The following ARID1B variants were observed in gnomAD, a reference collection of about 807,000 sequenced individuals.
The protein encoded by ARID1B is AT-rich interactive domain-containing protein 1B.
In ARID1B, 30 loss-of-function variants were observed where a neutral mutation model predicts 212.3. That is an observed-to-expected ratio of 0.14 (90% CI 0.11 to 0.19). The LOEUF is 0.19. ARID1B is among the 10% of genes least tolerant of loss of function. The pLI is 1.00. For missense variants in ARID1B, 2,891 were observed against 3,204.0 expected, an observed-to-expected ratio of 0.90 and a Z score of 2.36; for synonymous variants, 1,402 against 1,301.7, an observed-to-expected ratio of 1.08 and a Z score of -1.66.
At chr6:156,796,928 T>G (rs752890827) in intron 1 of ARID1B, among the ~76,000 whole-genome samples, 4 of 147,536 alleles carry the variant, frequency 2.7e-5, no homozygotes, top group Non-Finnish European at 5.9e-5. Context: ...TTGAGGTCTT[T>G]GAGAGCCTCA....
chr6:157,133,217 A>G lies in ARID1B; in HGVS notation c.2761+10A>G. 6.4e-7 allele frequency: 1 copy of G among 1,574,358 alleles called. No individual in the cohort carries two copies. The highest frequency in any genetic ancestry group is 8.6e-7 in the Non-Finnish European group (1 of 1,164,576). ...CAGTATGGACCACAAGGTAAAACCAAAGCTTCTCCAAAATGCATGGCAGCA... is the reference window on the plus strand; with the variant it reads ...CAGTATGGACCACAAGGTAAAACCAGAGCTTCTCCAAAATGCATGGCAGCA... On this transcript the variant is annotated intron_variant, in intron 7 of 19. Coordinates refer to ENST00000636930, the MANE Select transcript of ARID1B (RefSeq NM_001374828.1).
intron 4 of ARID1B, among the ~76,000 whole-genome samples, chr6:156,963,540 C>A (rs1273786337): frequency 6.6e-6 from 1 of 152,120 alleles, no homozygotes; most frequent in Admixed American, 6.5e-5. Context: ...ATTAAAGAAT[C>A]TAAATAGACT....
At position 157,106,397 on chromosome 6, in the gene ARID1B, A is replaced by G. The variant is rs144366394; in HGVS notation, c.2492-4075A>G. The stretch of plus-strand genomic sequence containing the variant: ...CATCTGGAGGCTCGACTAGGGAACA[A>G]TCTACTTCCAGTTTCATTCGGATTG... On this transcript the variant is annotated intron_variant, in intron 5 of 19. Transcript: ENST00000636930. Among the ~76,000 whole-genome samples, 266 of 152,332 alleles carry G rather than the reference A, an allele frequency of 1.7e-3. 1 individual carries two copies. Among genetic ancestry groups the G allele is most frequent in the African/African-American group, 6.2e-3 (257 of 41,580 alleles).
chr6:157,060,936 GGT>G (rs950309239), intron 4 of ARID1B, among the ~76,000 whole-genome samples: 1 of 151,896 alleles, frequency 6.6e-6, no homozygotes, highest in African/African-American at 2.4e-5. Context: ...TGGAGCTGCT[GGT>G]GTTTTTTATT....
chr6:156,795,325 AAG>A (rs1343198990), intron 1 of ARID1B, among the ~76,000 whole-genome samples: 1 of 152,106 alleles, frequency 6.6e-6, no homozygotes, highest in Non-Finnish European at 1.5e-5. Flanking sequence ...AGGAAGTGGG[AAG>A]AGAGAATAAG....
chr6:157,196,485 C>A (rs1793737478), intron 16 of ARID1B, among the ~76,000 whole-genome samples, 170 bp downstream of exon 16: 1 of 152,214 alleles, frequency 6.6e-6, no homozygotes, highest in South Asian at 2.1e-4. Flanking sequence ...TGTCAGGTGG[C>A]TGCCCTCAGT....
chr6:156,895,720 GT>G (rs1204624600), intron 2 of ARID1B, among the ~76,000 whole-genome samples: 1 of 149,822 alleles, frequency 6.7e-6, no homozygotes, highest in African/African-American at 2.5e-5. Flanking sequence ...TACAGATACA[GT>G]ATATACAGGT....
At chr6:157,062,854 C>G (rs1238562270) in intron 4 of ARID1B, among the ~76,000 whole-genome samples, 1 of 151,708 alleles carries the variant, frequency 6.6e-6, no homozygotes, top group Non-Finnish European at 1.5e-5. Flanking sequence ...TAGGTGCGCA[C>G]CAGCACACCT....
intron 11 of ARID1B, among the ~76,000 whole-genome samples, chr6:157,177,687 A>G (rs1419627674): frequency 6.6e-6 from 1 of 152,264 alleles, no homozygotes; most frequent in African/African-American, 2.4e-5. Flanking sequence ...ATTAAAGTAT[A>G]TGCAAGGAAA....
intron 5 of ARID1B, among the ~76,000 whole-genome samples, chr6:157,099,998 G>A (rs748297660): frequency 7.9e-5 from 12 of 152,066 alleles, no homozygotes; most frequent in African/African-American, 1.2e-4. Flanking sequence ...TAATATTTTG[G>A]ATAAGGATTT....
intron 1 of ARID1B, among the ~76,000 whole-genome samples, chr6:156,808,503 G>T (rs1781339583): frequency 1.3e-5 from 2 of 152,180 alleles, no homozygotes; most frequent in African/African-American, 4.8e-5. Flanking sequence ...GAGCAGCCCT[G>T]TTACTAAAGT....
chr6:157,042,573 A>G (rs969343178), intron 4 of ARID1B, among the ~76,000 whole-genome samples: 1 of 152,098 alleles, frequency 6.6e-6, no homozygotes. Context: ...AGCATATTGT[A>G]TTACTCTAAA....
chr6:157,124,911 G>A (rs1788035964), intron 6 of ARID1B, among the ~76,000 whole-genome samples: 1 of 152,100 alleles, frequency 6.6e-6, no homozygotes, highest in Non-Finnish European at 1.5e-5. Flanking sequence ...GCTCATTAAA[G>A]ATCAGCTGCT....
At chr6:157,151,309 C>G (rs1318015271) in intron 8 of ARID1B, 2 of 152,212 alleles carry the variant, frequency 1.3e-5, no homozygotes, top group African/African-American at 4.8e-5. Context: ...TACCCACCCC[C>G]AAATTAAGAG....
At chr6:156,844,277 G>T (rs570264790) in intron 2 of ARID1B, among the ~76,000 whole-genome samples, 1 of 152,330 alleles carries the variant, frequency 6.6e-6, no homozygotes, top group Admixed American at 6.5e-5. Flanking sequence ...TTTAAGAAGA[G>T]AAACTGTTTC....
chr6:157,073,152 G>T (rs1490515840), intron 4 of ARID1B, among the ~76,000 whole-genome samples: 1 of 148,708 alleles, frequency 6.7e-6, no homozygotes, highest in Non-Finnish European at 1.5e-5. Flanking sequence ...GCTCTGGCTG[G>T]AGTGCAGTGG....
At position 157,089,962 on chromosome 6, in the gene ARID1B, A is replaced by G. The variant is rs185556326; in HGVS notation, c.2491+5057A>G. On this transcript the variant is annotated intron_variant, in intron 5 of 19. Transcript: ENST00000636930. ...GAGGGCTGCTGGGTTTTGGATGTGT[A>G]TTGAACAGGTCTTGGGTCTTACGCT... 2.6e-5 allele frequency among the ~76,000 whole-genome samples: 4 copies of G among 151,126 alleles called. No individual in the cohort carries two copies. The East Asian group carries it at 5.8e-4, about 22-fold the overall frequency.
At chr6:156,784,038 T>G (rs1476010174) in intron 1 of ARID1B, among the ~76,000 whole-genome samples, 4 of 152,262 alleles carry the variant, frequency 2.6e-5, no homozygotes, top group South Asian at 2.1e-4. Context: ...ATTTTTTTTT[T>G]GCAATATTTA....
chr6:157,159,980 C>T (rs1583425532), intron 8 of ARID1B, among the ~76,000 whole-genome samples: 1 of 152,202 alleles, frequency 6.6e-6, no homozygotes, highest in Non-Finnish European at 1.5e-5. Flanking sequence ...AAAATGTAAA[C>T]ATATCAGCTA....
Sources: gnomAD v4.1 joint callset for allele counts (sites outside exome capture counted in the v4.1 genomes callset) on GRCh38, gnomAD v4.1.1 for gene constraint, MANE v1.5 for transcripts, NCBI Gene and HGNC (gene_info 2026-07-23, HGNC 2026-07-21) for gene names.